The following CNNM2 variants were observed in gnomAD, a reference collection of about 807,000 sequenced individuals.
The protein encoded by CNNM2 is cyclin and CBS domain divalent metal cation transport mediator 2.
In CNNM2, 12 loss-of-function variants were observed where a neutral mutation model predicts 66.9. The observed-to-expected ratio is 0.18, with a 90% CI of 0.11 to 0.29. CNNM2 has a LOEUF of 0.29. Among genes scored for constraint, CNNM2 ranks in the 10% least tolerant of loss-of-function variants. CNNM2 has a pLI of 1.00. For synonymous variants in CNNM2, 557 were observed against 501.8 expected (o/e 1.11, Z -1.47); for missense variants, 705 against 1,167.7 (o/e 0.60, Z 5.77).
At chr10:103,011,965 A>T (rs944614158) in intron 1 of CNNM2, among the ~76,000 whole-genome samples, 2 of 152,128 alleles carry the variant, frequency 1.3e-5, no homozygotes, top group Non-Finnish European at 2.9e-5. Context: ...TGCTGAGATT[A>T]CAAGTGTGAG....
At position 103,009,810 on chromosome 10, in the gene CNNM2, CAA is replaced by C. The variant is rs199884695; in HGVS notation, c.1622-39896_1622-39895del. On this transcript the variant is annotated intron_variant, in intron 1 of 7. Transcript: ENST00000369878. ...AGATATATCCAGAAAAAGTAGTAAT[CAA>C]GAGCTGTTGACTGTTTGGAAGATTA... Among the ~76,000 whole-genome samples, 9 of 151,598 alleles carry C rather than the reference CAA, an allele frequency of 5.9e-5. No homozygotes were observed. The East Asian group carries it at 1.7e-3, about 29-fold the overall frequency.
chr10:103,028,814 C>CTTTTTTTTTT (rs67846722), intron 1 of CNNM2, among the ~76,000 whole-genome samples: 4 of 126,176 alleles, frequency 3.2e-5, no homozygotes, highest in Non-Finnish European at 3.2e-5. Flanking sequence ...TTTTCTTTTT[C>CTTTTTTTTTT]TTTTTTTTTT....
chr10:102,962,690 C>G (rs2063400699), intron 1 of CNNM2, among the ~76,000 whole-genome samples: 1 of 143,802 alleles, frequency 7.0e-6, no homozygotes, highest in African/African-American at 2.6e-5. Flanking sequence ...ATATGATATA[C>G]TGTGTGTGTG....
chr10:102,999,183 G>C (rs1251850754), intron 1 of CNNM2, among the ~76,000 whole-genome samples: 2 of 150,384 alleles, frequency 1.3e-5, no homozygotes, highest in East Asian at 1.9e-4. Context: ...CCATTCTCCC[G>C]CCTCAGCCTC....
chr10:102,919,356 C>A lies in CNNM2; in HGVS notation c.876C>A (p.Asn292Lys). ...CGATGGAGCTGCGCATCGTGCAGAA[C>A]TGCGGCACGGAGAAGGAGAAGAATT... ...LDPMELRIVQ[N>K]CGTEKEKNYA... The change falls in exon 1 of 8, where the codon AAC (asparagine) becomes AAA (lysine). Residue 292 changes from asparagine to lysine, a missense_variant. By Grantham distance (94) the Asn-to-Lys change is moderately conservative. Transcript: ENST00000369878. 1 of 1,613,240 alleles carries A rather than the reference C, an allele frequency of 6.2e-7. No homozygotes were observed. The highest frequency in any genetic ancestry group is 8.5e-7 in the Non-Finnish European group (1 of 1,180,042).
chr10:102,983,760 C>T (rs1230264418), intron 1 of CNNM2, among the ~76,000 whole-genome samples: 1 of 138,960 alleles, frequency 7.2e-6, no homozygotes, highest in Non-Finnish European at 1.6e-5. Flanking sequence ...TTACATAGCA[C>T]TTAAATTGTA....
At position 103,078,961 on chromosome 10, in the gene CNNM2, G is replaced by T. The variant is rs2065729681; in HGVS notation, c.*1781G>T. 1 of 152,396 alleles carries T rather than the reference G, an allele frequency of 6.6e-6. No individual in the cohort carries two copies. The highest frequency in any genetic ancestry group is 1.5e-5 in the Non-Finnish European group (1 of 68,210). The allele number at this position is 152,396 out of a possible 1,614,324, so 9.4% of individuals were successfully genotyped here. A position where few individuals can be genotyped will look rare whatever the true frequency, so the allele number is the denominator to read the frequency against. On this transcript the variant is annotated 3_prime_UTR_variant, in exon 8 of 8. Transcript: ENST00000369878. ...TTTCCTCTGGGATGCCAGTCCTGGAGTGTCTTCCTCAGAAGGTGCCGTGTC... is the reference window on the plus strand; with the variant it reads ...TTTCCTCTGGGATGCCAGTCCTGGATTGTCTTCCTCAGAAGGTGCCGTGTC...
At chr10:103,015,904 G>A (rs1426001605) in intron 1 of CNNM2, among the ~76,000 whole-genome samples, 1 of 151,968 alleles carries the variant, frequency 6.6e-6, no homozygotes, top group Non-Finnish European at 1.5e-5. Context: ...TGCCCCTCTA[G>A]GTAGATGAAT....
At chr10:103,044,051 T>G (rs993566265) in intron 1 of CNNM2, among the ~76,000 whole-genome samples, 1 of 152,228 alleles carries the variant, frequency 6.6e-6, no homozygotes, top group Non-Finnish European at 1.5e-5. Flanking sequence ...TTTATAAAGT[T>G]TATTTAGTCT....
chr10:102,995,874 A>G (rs932080179), intron 1 of CNNM2, among the ~76,000 whole-genome samples: 22 of 151,676 alleles, frequency 1.5e-4, no homozygotes, highest in African/African-American at 5.3e-4. Flanking sequence ...CTAATTTTGT[A>G]TTTTTAGTAG....
Position 102,918,400 on chromosome 10 carries a change from T to C in CNNM2, c.-81T>C. ...CTGAGCACTGGCCGCGGACGCTCCG[T>C]TGCAGTCTCGCCCAGGGGCCGGTAC... On this transcript the variant is annotated 5_prime_UTR_variant, in exon 1 of 8. Coordinates refer to ENST00000369878, the MANE Select transcript of CNNM2 (RefSeq NM_017649.5). The surrounding 1 kb of genome is among the most constrained non-coding windows in gnomAD (Gnocchi z 4.1). 1.3e-6 allele frequency: 2 copies of C among 1,541,408 alleles called. No homozygotes were observed. Among genetic ancestry groups the C allele is most frequent in the East Asian group, 2.4e-5 (1 of 41,238 alleles).
intron 4 of CNNM2, 133 bp from the exon 5 acceptor site, chr10:103,068,496 C>A: frequency 1.3e-6 from 1 of 752,658 alleles, no homozygotes; most frequent in Non-Finnish European, 2.3e-6. Flanking sequence ...GAAAGATGAG[C>A]TGAAGCTTTA....
At position 103,086,906 on chromosome 10, in the gene CNNM2, G is replaced by A. The variant is rs550087365; in HGVS notation, c.*9726G>A. The A allele has an allele frequency of 1.3e-5, 2 of 152,068 alleles. No individual in the cohort carries two copies. The highest frequency in any genetic ancestry group is 6.5e-5 in the Admixed American group (1 of 15,270). 9.4% of individuals were successfully genotyped at this position (152,068 alleles called of 1,614,324 possible). A position where few individuals can be genotyped will look rare whatever the true frequency, so the allele number is the denominator to read the frequency against. ...TTGCAGAGATGAATGAATGTACTGG[G>A]CAATTCCTCTGCCCAAGGAAACCCA... On this transcript the variant is annotated 3_prime_UTR_variant, in exon 8 of 8. Transcript: ENST00000369878.
intron 1 of CNNM2, among the ~76,000 whole-genome samples, chr10:103,013,473 T>C (rs1409541727): frequency 1.3e-5 from 2 of 152,146 alleles, no homozygotes; most frequent in African/African-American, 4.8e-5. Context: ...ATCTGCTACC[T>C]GGTGGGTTAA....
In CNNM2 at chr10:103,035,483, A is replaced by G. The variant is rs564426724; in HGVS notation, c.1622-14224A>G. On this transcript the variant is annotated intron_variant, in intron 1 of 7. Transcript: ENST00000369878. The stretch of plus-strand genomic sequence containing the variant: ...CATGCCTCACTATTTATAAGAAAAT[A>G]TTTCCCCAAAAGATGGGAAAATCCG... 4.6e-5 allele frequency among the ~76,000 whole-genome samples: 7 copies of G among 152,294 alleles called. No homozygotes were observed. In the South Asian group the frequency reaches 1.4e-3, roughly 32 times the overall value.
At chr10:103,057,744 A>G (rs1168642575) in intron 4 of CNNM2, among the ~76,000 whole-genome samples, 1 of 152,158 alleles carries the variant, frequency 6.6e-6, no homozygotes, top group Non-Finnish European at 1.5e-5. Context: ...TGTTGTTTTT[A>G]TTCCTGGTTA....
intron 1 of CNNM2, among the ~76,000 whole-genome samples, chr10:102,992,521 A>G (rs1238614453): frequency 2.0e-5 from 3 of 151,372 alleles, no homozygotes; most frequent in African/African-American, 7.3e-5. Flanking sequence ...TGATCCTCCC[A>G]CCTCGGCCTC....
At chr10:103,001,187 G>A (rs1161262257) in intron 1 of CNNM2, among the ~76,000 whole-genome samples, 3 of 152,124 alleles carry the variant, frequency 2.0e-5, no homozygotes, top group Non-Finnish European at 2.9e-5. Context: ...TGTGGAGAGG[G>A]GAATATGGGA....
At position 103,082,039 on chromosome 10, in the gene CNNM2, A is replaced by G. The variant is rs927910617; in HGVS notation, c.*4859A>G. The G allele has an allele frequency of 1.3e-5, 2 of 152,364 alleles. No homozygotes were observed. The highest frequency in any genetic ancestry group is 2.1e-4 in the South Asian group (1 of 4,832). The allele number at this position is 152,364 out of a possible 1,614,324, so 9.4% of individuals were successfully genotyped here. Reference sequence around the variant, plus strand: ...GTTGAACTTCAAGCATCATGGAAACAAAGGTTCTAGCTGCAAGAGAGTAAA... The same window carrying G: ...GTTGAACTTCAAGCATCATGGAAACGAAGGTTCTAGCTGCAAGAGAGTAAA... On this transcript the variant is annotated 3_prime_UTR_variant, in exon 8 of 8. Transcript: ENST00000369878.
Sources: allele counts gnomAD v4.1 joint callset (sites outside exome capture counted in the v4.1 genomes callset), GRCh38; gene constraint gnomAD v4.1.1; non-coding constraint Gnocchi (gnomAD v3.1); transcripts MANE v1.5; gene names NCBI Gene and HGNC (gene_info 2026-07-23, HGNC 2026-07-21).